Variants in SPAG16 observed in about 807,000 individuals in gnomAD.
SPAG16 encodes the protein sperm associated antigen 16.
In SPAG16, 86 loss-of-function variants were observed where a neutral mutation model predicts 80.4. The ratio of observed to expected loss-of-function variants is 1.07; its 90% CI spans 0.90 to 1.28. The LOEUF is 1.28. Ranked by LOEUF, SPAG16 falls within the 50% of genes most tolerant of loss-of-function variation. The probability of loss-of-function intolerance (pLI) is 0.00; values close to 1 mark genes in which losing one functional copy is unlikely to be tolerated. For synonymous variants in SPAG16, 294 were observed against 265.9 expected, an observed-to-expected ratio of 1.11 and a Z score of -1.03; for missense variants, 870 against 765.3, an observed-to-expected ratio of 1.14 and a Z score of -1.61.
intron 13 of SPAG16, among the ~76,000 whole-genome samples, chr2:214,025,832 AC>A (rs2048099510): frequency 6.6e-6 from 1 of 151,540 alleles, no homozygotes; most frequent in Non-Finnish European, 1.5e-5. Flanking sequence ...TGCCTTGCAT[AC>A]CCTACTGTTA....
chr2:213,322,655 T>G (rs2063674317), intron 5 of SPAG16, among the ~76,000 whole-genome samples: 1 of 152,182 alleles, frequency 6.6e-6, no homozygotes, highest in Non-Finnish European at 1.5e-5. Flanking sequence ...GGATAACTAT[T>G]GACTACATGT....
chr2:214,104,982 A>C (rs1332191082), intron 13 of SPAG16, among the ~76,000 whole-genome samples: 1 of 152,134 alleles, frequency 6.6e-6, no homozygotes. Context: ...AATTTGGTAG[A>C]GAATAAGGCC....
chr2:213,491,056 A>G (rs1453213839), intron 10 of SPAG16, among the ~76,000 whole-genome samples: 2 of 152,184 alleles, frequency 1.3e-5, no homozygotes, highest in East Asian at 3.8e-4. Context: ...TCATAGCAAG[A>G]ATATTGTCTA....
At chr2:213,857,372 G>C (rs1430322145) in intron 10 of SPAG16, among the ~76,000 whole-genome samples, 1 of 152,164 alleles carries the variant, frequency 6.6e-6, no homozygotes, top group Non-Finnish European at 1.5e-5. Context: ...TAATGCAGCT[G>C]GTAACTTTAA....
At position 213,317,429 on chromosome 2, in the gene SPAG16, T is replaced by C. The variant is rs996008108; in HGVS notation, c.536+73T>C. ...ATAAAAGAGTTGAGTGAAGCTGATATATGTAATATACCAGAGCCTTAATTT... is the reference window on the plus strand; with the variant it reads ...ATAAAAGAGTTGAGTGAAGCTGATACATGTAATATACCAGAGCCTTAATTT... On this transcript the variant is annotated intron_variant, in intron 5 of 15. Coordinates refer to ENST00000331683, the MANE Select transcript of SPAG16 (RefSeq NM_024532.5). 8.0e-6 allele frequency: 12 copies of C among 1,493,012 alleles called. No homozygotes were observed. The African/African-American group carries it at 1.4e-4, about 17-fold the overall frequency. The allele number at this position is 1,493,012 out of a possible 1,614,324, so 92.5% of individuals were successfully genotyped here. A position where few individuals can be genotyped will look rare whatever the true frequency, so the allele number is the denominator to read the frequency against.
chr2:214,292,140 T>G (rs913425050), intron 15 of SPAG16, among the ~76,000 whole-genome samples: 1 of 152,196 alleles, frequency 6.6e-6, no homozygotes, highest in African/African-American at 2.4e-5. Flanking sequence ...AGTTCCTTTA[T>G]AGGTGACAAT....
At position 213,311,465 on chromosome 2, in the gene SPAG16, A is replaced by G. The variant is rs115237279; in HGVS notation, c.398+1288A>G. Among the ~76,000 whole-genome samples the G allele has an allele frequency of 2.3e-3, 356 of 151,790 alleles. 1 individual carries two copies. The highest frequency in any genetic ancestry group is 4.2e-3 in the Non-Finnish European group (284 of 67,678). ...TCTGGATCCAAGTATACTGTTAACAATTCGGTGACTATTGTCATATTTTCC... is the reference window on the plus strand; with the variant it reads ...TCTGGATCCAAGTATACTGTTAACAGTTCGGTGACTATTGTCATATTTTCC... On this transcript the variant is annotated intron_variant, in intron 4 of 15. Coordinates refer to ENST00000331683, the MANE Select transcript of SPAG16 (RefSeq NM_024532.5).
intron 3 of SPAG16, among the ~76,000 whole-genome samples, chr2:213,303,836 AAC>A (rs1247005725): frequency 6.6e-6 from 1 of 152,172 alleles, no homozygotes; most frequent in African/African-American, 2.4e-5. Context: ...TGCTGAGATA[AAC>A]ACAATAGTGC....
chr2:213,681,659 G>A (rs746123219), intron 10 of SPAG16, among the ~76,000 whole-genome samples: 2 of 152,118 alleles, frequency 1.3e-5, no homozygotes, highest in Non-Finnish European at 2.9e-5. Context: ...AAATAAAGAA[G>A]CAGAAATTGA....
chr2:213,871,910 T>C (rs1475072108), intron 11 of SPAG16, among the ~76,000 whole-genome samples: 1 of 131,104 alleles, frequency 7.6e-6, no homozygotes, highest in East Asian at 2.2e-4. Flanking sequence ...CAAACAGCAG[T>C]AAAAACAAAC....
At chr2:213,706,066 T>C (rs2065740528) in intron 10 of SPAG16, among the ~76,000 whole-genome samples, 1 of 152,212 alleles carries the variant, frequency 6.6e-6, no homozygotes, top group African/African-American at 2.4e-5. Context: ...TGCATTGTTA[T>C]ATACCTGGCA....
intron 9 of SPAG16, among the ~76,000 whole-genome samples, chr2:213,482,258 G>C (rs2073783971): frequency 6.6e-6 from 1 of 152,192 alleles, no homozygotes; most frequent in Non-Finnish European, 1.5e-5. Flanking sequence ...ACACATGCTG[G>C]CACTTCAGGC....
chr2:214,248,286 TATATTATTA>T (rs1409064743), intron 15 of SPAG16, among the ~76,000 whole-genome samples: 2 of 128,084 alleles, frequency 1.6e-5, no homozygotes, highest in African/African-American at 6.0e-5. Context: ...GTACTATTCT[TATATTATTA>T]TTATTATTAT....
intron 10 of SPAG16, among the ~76,000 whole-genome samples, chr2:213,498,342 G>A (rs527316957): frequency 6.6e-6 from 1 of 152,060 alleles, no homozygotes; most frequent in South Asian, 2.1e-4. Flanking sequence ...TGATGAATGG[G>A]TTGTAAACAT....
At chr2:213,854,050 A>T (rs2075037607) in intron 10 of SPAG16, among the ~76,000 whole-genome samples, 2 of 152,202 alleles carry the variant, frequency 1.3e-5, no homozygotes, top group African/African-American at 2.4e-5. Context: ...TGTTCCTGAA[A>T]TCCCTATCAT....
chr2:214,379,459 C>A (rs1398434240), intron 15 of SPAG16, among the ~76,000 whole-genome samples: 1 of 152,206 alleles, frequency 6.6e-6, no homozygotes, highest in African/African-American at 2.4e-5. Flanking sequence ...TCCTTGGAGT[C>A]ACTCCAAGAG....
intron 15 of SPAG16, among the ~76,000 whole-genome samples, chr2:214,196,695 ACATG>A (rs936968749): frequency 2.0e-5 from 3 of 152,052 alleles, no homozygotes; most frequent in Non-Finnish European, 4.4e-5. Context: ...GAATTTTAAA[ACATG>A]CATCATATAC....
chr2:213,943,701 A>G (rs904152788), intron 12 of SPAG16, among the ~76,000 whole-genome samples: 13 of 152,224 alleles, frequency 8.5e-5, no homozygotes, highest in Non-Finnish European at 4.4e-5. Flanking sequence ...GGAATTGAAG[A>G]GAAAGAAGGA....
chr2:213,982,415 G>T (rs552637111), intron 12 of SPAG16, among the ~76,000 whole-genome samples: 8 of 151,946 alleles, frequency 5.3e-5, no homozygotes, highest in African/African-American at 1.9e-4. Context: ...AATGAATTAT[G>T]TTATGATTTT....
Sources: allele counts gnomAD v4.1 joint callset (sites outside exome capture counted in the v4.1 genomes callset), GRCh38; gene constraint gnomAD v4.1.1; transcripts MANE v1.5; gene names NCBI Gene and HGNC (gene_info 2026-07-23, HGNC 2026-07-21).